Variants in ZNF318 observed in about 807,000 individuals in gnomAD.
ZNF318 encodes endocrine regulator.
Under a neutral mutation model 124.2 loss-of-function variants are expected in ZNF318, and 51 were observed. The ratio of observed to expected loss-of-function variants is 0.41; its 90% CI spans 0.33 to 0.52. The LOEUF is 0.52. ZNF318 is among the 20% of genes least tolerant of loss of function. ZNF318 has a pLI of 0.23. For synonymous variants in ZNF318, 1,090 were observed against 1,040.7 expected, an observed-to-expected ratio of 1.05 and a Z score of -0.91; for missense variants, 2,815 against 2,811.2, an observed-to-expected ratio of 1.00 and a Z score of -0.03.
chr6:43,367,257 T>C (rs1392947576), intron 1 of ZNF318, among the ~76,000 whole-genome samples: 1 of 152,252 alleles, frequency 6.6e-6, no homozygotes, highest in African/African-American at 2.4e-5. Flanking sequence ...ATATTAACTC[T>C]ATAAGGATAG....
chr6:43,342,148 T>C lies in ZNF318; in HGVS notation c.3340A>G (p.Ile1114Val). 1 of 1,614,148 alleles carries C rather than the reference T, an allele frequency of 6.2e-7. No homozygotes were observed. Among genetic ancestry groups the C allele is most frequent in the Non-Finnish European group, 8.5e-7 (1 of 1,179,970 alleles). ...ACAGTTATCTTGTCAGTGCGCTTTA[T>C]GGCATCTTGCTTGGCCTCACTCTGG... ...KTQSEAKQDAIKRTDKITVPA... is the reference protein window; with the variant it reads ...KTQSEAKQDAVKRTDKITVPA... The change falls in exon 8 of 10, where the codon ATA becomes GTA. Residue 1114 changes from isoleucine (I) to valine (V), a missense_variant. By Grantham distance (29) the Ile-to-Val change is conservative. Coordinates refer to ENST00000361428, the MANE Select transcript of ZNF318 (RefSeq NM_014345.3).
At chr6:43,353,290 G>T (rs573154794) in intron 4 of ZNF318, among the ~76,000 whole-genome samples, 2 of 151,956 alleles carry the variant, frequency 1.3e-5, no homozygotes, top group Admixed American at 1.3e-4. Context: ...AAACTTAAGA[G>T]AAGTGTTTTT....
chr6:43,343,219 A>G (rs562705311), intron 6 of ZNF318, among the ~76,000 whole-genome samples: 2 of 152,344 alleles, frequency 1.3e-5, no homozygotes, highest in African/African-American at 4.8e-5. Flanking sequence ...GAGTCTCTTC[A>G]CTGTATACCC....
In ZNF318 at chr6:43,337,613, G is replaced by A. The variant is rs1779302487; in HGVS notation, c.6385C>T (p.Leu2129=). The A allele has an allele frequency of 1.2e-6, 2 of 1,614,118 alleles. No homozygotes were observed. Among genetic ancestry groups the A allele is most frequent in the Non-Finnish European group, 1.7e-6 (2 of 1,180,004 alleles). Residue 2129 remains leucine, a synonymous_variant, in exon 10 of 10, where the codon CTG becomes TTG. Coordinates refer to ENST00000361428, the MANE Select transcript of ZNF318 (RefSeq NM_014345.3). The part of the protein sequence containing the change: ...GLEGTHQALD[L]LAGGMMPEEV... The stretch of plus-strand genomic sequence containing the variant: ...TCAGGCATCATTCCTCCTGCTAACA[G>A]GTCAAGGGCCTGGTGTGTTCCCTCT...
At chr6:43,352,238 G>C in intron 5 of ZNF318, 139 bp downstream of exon 5, 4 of 652,472 alleles carry the variant, frequency 6.1e-6, no homozygotes, top group Non-Finnish European at 1.1e-5. Context: ...CACTATTATT[G>C]CAACTTTTTT....
chr6:43,355,587 C>G lies in ZNF318; in HGVS notation c.1747G>C (p.Glu583Gln). ...SAPAVKLESL[E>Q]ETNPEYAKIH... Reference sequence around the variant, plus strand: ...TTCGCATATTCTGGATTGGTCTCTTCTAGTGATTCTAGCTTTACAGCTGGA... The same window carrying G: ...TTCGCATATTCTGGATTGGTCTCTTGTAGTGATTCTAGCTTTACAGCTGGA... The change falls in exon 4 of 10, where the codon GAA (glutamate) becomes CAA (glutamine). Residue 583 changes from glutamate (E) to glutamine (Q), a missense_variant. Coordinates refer to ENST00000361428, the MANE Select transcript of ZNF318 (RefSeq NM_014345.3). 1 of 1,614,178 alleles carries G rather than the reference C, an allele frequency of 6.2e-7. No homozygotes were observed. Among genetic ancestry groups the G allele is most frequent in the Non-Finnish European group, 8.5e-7 (1 of 1,180,034 alleles).
At chr6:43,349,771 T>C (rs1428537041) in intron 5 of ZNF318, among the ~76,000 whole-genome samples, 1 of 152,096 alleles carries the variant, frequency 6.6e-6, no homozygotes, top group Non-Finnish European at 1.5e-5. Context: ...TCAGGGAACA[T>C]TTTTGTGTGT....
At position 43,338,359 on chromosome 6, in the gene ZNF318, G is replaced by A. The variant is rs1331578568; in HGVS notation, c.5639C>T (p.Pro1880Leu). ...AGAAATTTTCACAGGTGTATCTTGT[G>A]GGTTGAGTAAAGACCTAGCTTCTGA... ...FLSEARSLLNPQDTPVKISAP... is the reference protein window; with the variant it reads ...FLSEARSLLNLQDTPVKISAP... Residue 1880 changes from proline (P) to leucine (L), a missense_variant, in exon 10 of 10, where the codon CCA (proline) becomes CTA (leucine). Pro to Leu is a moderately conservative substitution (Grantham distance 98). This residue lies in a region of ZNF318 where 927 missense variants were observed against 820.6 expected (regional missense o/e 1.13). Transcript: ENST00000361428. 1 of 1,614,162 alleles carries A rather than the reference G, an allele frequency of 6.2e-7. No individual in the cohort carries two copies. The highest frequency in any genetic ancestry group is 8.5e-7 in the Non-Finnish European group (1 of 1,180,030).
intron 2 of ZNF318, 125 bp from the exon 3 acceptor site, chr6:43,357,890 A>C: frequency 1.2e-6 from 1 of 857,400 alleles, no homozygotes; most frequent in Non-Finnish European, 1.8e-6. Flanking sequence ...ATAATCATGA[A>C]GTCCAAGAAC....
chr6:43,337,685 A>T lies in ZNF318; in HGVS notation c.6313T>A (p.Leu2105Met), dbSNP rs768424067. The T allele has an allele frequency of 6.2e-7, 1 of 1,614,150 alleles. No individual in the cohort carries two copies. Among genetic ancestry groups the T allele is most frequent in the South Asian group, 1.1e-5 (1 of 91,074 alleles). Residue 2105 changes from leucine to methionine, a missense_variant, in exon 10 of 10, where the codon TTG (leucine) becomes ATG (methionine). Coordinates refer to ENST00000361428, the MANE Select transcript of ZNF318 (RefSeq NM_014345.3). ...ACATTTTCTGTAAGTCCAGTTTTCA[A>T]AATGTTAGGAGAAGGGATCCTAACA... ...RSVRIPSPNI[L>M]KTGLTENVDR...
chr6:43,346,829 C>T (rs1379523345), intron 6 of ZNF318, among the ~76,000 whole-genome samples: 6 of 152,048 alleles, frequency 3.9e-5, no homozygotes, highest in South Asian at 4.1e-4. Flanking sequence ...GGTGACGCAG[C>T]GTAAGATGTA....
At position 43,355,188 on chromosome 6, in the gene ZNF318, C is replaced by A; in HGVS notation, c.2146G>T (p.Asp716Tyr). Residue 716 changes from aspartate to tyrosine, a missense_variant, in exon 4 of 10, where the codon GAC (aspartate) becomes TAC (tyrosine). Around this residue, in one of 4 missense-constraint regions of ZNF318, gnomAD observed 1,377 missense variants for 1,353.5 expected, o/e 1.02. Coordinates refer to ENST00000361428, the MANE Select transcript of ZNF318 (RefSeq NM_014345.3). Reference sequence around the variant, plus strand: ...CCTGAAATATGACCCACTGGATGGTCAGACTTTAGGAATGGAGGGCTGTTT... The same window carrying A: ...CCTGAAATATGACCCACTGGATGGTAAGACTTTAGGAATGGAGGGCTGTTT... ...TKNSPPFLKSDHPVGHISGPE... is the reference protein window; with the variant it reads ...TKNSPPFLKSYHPVGHISGPE... 1 of 1,614,170 alleles carries A rather than the reference C, an allele frequency of 6.2e-7. No individual in the cohort carries two copies. Among genetic ancestry groups the A allele is most frequent in the South Asian group, 1.1e-5 (1 of 91,078 alleles).
Position 43,337,871 on chromosome 6 carries a change from C to T in ZNF318, c.6127G>A (p.Val2043Met). ...HRSPTVLCQK[V>M]CEENSVSPIG... ...GGTGATACAGAATTTTCTTCACACA[C>T]TTTCTGACACAAGACAGTTGGGGAT... The change falls in exon 10 of 10, where the codon GTG becomes ATG. Residue 2043 changes from valine (V) to methionine (M), a missense_variant. By Grantham distance (21) the Val-to-Met change is conservative. Transcript: ENST00000361428. 6.2e-7 allele frequency: 1 copy of T among 1,614,230 alleles called. No individual in the cohort carries two copies.
chr6:43,366,649 A>T (rs1313892355), intron 1 of ZNF318, among the ~76,000 whole-genome samples: 1 of 152,124 alleles, frequency 6.6e-6, no homozygotes, highest in Admixed American at 6.6e-5. Context: ...ACATTTTTTT[A>T]AAATAAAATC....
intron 1 of ZNF318, among the ~76,000 whole-genome samples, chr6:43,368,490 C>G (rs1779790849): frequency 6.6e-6 from 1 of 152,024 alleles, no homozygotes; most frequent in Non-Finnish European, 1.5e-5. Flanking sequence ...TTTAAGCTAA[C>G]AGTTTACACT....
At position 43,340,887 on chromosome 6, in the gene ZNF318, A is replaced by C; in HGVS notation, c.3398T>G (p.Ile1133Ser). The C allele has an allele frequency of 6.2e-7, 1 of 1,614,104 alleles. No homozygotes were observed. The highest frequency in any genetic ancestry group is 8.5e-7 in the Non-Finnish European group (1 of 1,179,922). ...PAKGSEFLVPISGFYCQLCEE... is the reference protein window; with the variant it reads ...PAKGSEFLVPSSGFYCQLCEE... The stretch of plus-strand genomic sequence containing the variant: ...ACAGAGCTGGCAATAAAATCCACTG[A>C]TGGGAACCAGAAACTCAGAGCCTGG... Residue 1133 changes from isoleucine to serine, a missense_variant, in exon 9 of 10, where the codon ATC becomes AGC. Coordinates refer to ENST00000361428, the MANE Select transcript of ZNF318 (RefSeq NM_014345.3).
At chr6:43,351,747 C>G (rs982995872) in intron 5 of ZNF318, among the ~76,000 whole-genome samples, 1 of 148,866 alleles carries the variant, frequency 6.7e-6, no homozygotes, top group African/African-American at 2.5e-5. Context: ...GGCAACAGAG[C>G]GAGGCTCCAT....
rs1223805410 is a variant in ZNF318 at position 43,355,423 on chromosome 6, G to C, written c.1911C>G (p.Asp637Glu). ...RSSADRRSSV[D>E]RYFSADHCSS... ...AACAGTGGTCAGCTGAAAAGTATCGGTCAACTGAGGAACGGCGGTCAGCTG... is the reference window on the plus strand; with the variant it reads ...AACAGTGGTCAGCTGAAAAGTATCGCTCAACTGAGGAACGGCGGTCAGCTG... The change falls in exon 4 of 10, where the codon GAC becomes GAG. Residue 637 changes from aspartate (D) to glutamate (E), a missense_variant. By Grantham distance (45) the Asp-to-Glu change is conservative. Coordinates refer to ENST00000361428, the MANE Select transcript of ZNF318 (RefSeq NM_014345.3). The C allele has an allele frequency of 6.2e-7, 1 of 1,614,076 alleles. No individual in the cohort carries two copies. The highest frequency in any genetic ancestry group is 8.5e-7 in the Non-Finnish European group (1 of 1,180,046).
In ZNF318 at chr6:43,369,340, G is replaced by A; in HGVS notation, c.26C>T (p.Ser9Phe). 7.5e-7 allele frequency: 1 copy of A among 1,339,804 alleles called. No homozygotes were observed. Among genetic ancestry groups the A allele is most frequent in the Non-Finnish European group, 9.6e-7 (1 of 1,037,770 alleles). The allele number at this position is 1,339,804 out of a possible 1,614,324, so 83.0% of individuals were successfully genotyped here. A position where few individuals can be genotyped will look rare whatever the true frequency, so the allele number is the denominator to read the frequency against. ...GTCTTTAGGCCGGTGGGAAGAGACG[G>A]AGGAGCGAGCGCTGCTGCGGTACAT... MYRSSARS[S>F]VSSHRPKDDG... The change falls in exon 1 of 10, where the codon TCC (serine) becomes TTC (phenylalanine). Residue 9 changes from serine (S) to phenylalanine (F), a missense_variant. Physicochemically the swap from Ser to Phe is radical, Grantham distance 155 (BLOSUM62 -2). Coordinates refer to ENST00000361428, the MANE Select transcript of ZNF318 (RefSeq NM_014345.3).
Sources: allele counts gnomAD v4.1 joint callset (sites outside exome capture counted in the v4.1 genomes callset), GRCh38; gene constraint gnomAD v4.1.1; regional missense constraint gnomAD v4.1.1; transcripts MANE v1.5; gene names NCBI Gene and HGNC (gene_info 2026-07-23, HGNC 2026-07-21).